The following CNTNAP2 variants were observed in gnomAD, a reference collection of about 807,000 sequenced individuals.
CNTNAP2 encodes the protein contactin-associated protein-like 2.
Under a neutral mutation model 155.2 loss-of-function variants are expected in CNTNAP2, and 98 were observed. The ratio of observed to expected loss-of-function variants is 0.63; its 90% CI spans 0.54 to 0.75. The LOEUF (loss-of-function observed/expected upper bound fraction) is 0.75, where lower values mean the gene tolerates loss of function less well. Among genes scored for constraint, CNTNAP2 ranks in the 30% least tolerant of loss-of-function variants. The pLI is 0.00. For missense variants in CNTNAP2, 1,727 were observed against 1,688.1 expected, an observed-to-expected ratio of 1.02 and a Z score of -0.40; for synonymous variants, 651 against 631.2, an observed-to-expected ratio of 1.03 and a Z score of -0.47.
At chr7:148,380,862 G>A (rs1164195184) in intron 21 of CNTNAP2, among the ~76,000 whole-genome samples, 1 of 152,194 alleles carries the variant, frequency 6.6e-6, no homozygotes, top group Admixed American at 6.5e-5. Context: ...TGACCGCTTT[G>A]TGGGACTTGC....
intron 1 of CNTNAP2, among the ~76,000 whole-genome samples, chr7:146,274,170 C>T (rs983252929): frequency 6.6e-6 from 1 of 152,166 alleles, no homozygotes; most frequent in Admixed American, 6.5e-5. Flanking sequence ...GCTTGTGACA[C>T]ATAGCGCCTG....
At chr7:148,016,097 CA>C (rs1563168006) in intron 15 of CNTNAP2, among the ~76,000 whole-genome samples, 1 of 152,178 alleles carries the variant, frequency 6.6e-6, no homozygotes, top group Non-Finnish European at 1.5e-5. Flanking sequence ...CTTTGGGCTC[CA>C]AATGTTAAAG....
intron 8 of CNTNAP2, among the ~76,000 whole-genome samples, chr7:147,278,495 T>C (rs1440465346): frequency 1.3e-5 from 2 of 151,704 alleles, no homozygotes; most frequent in African/African-American, 4.8e-5. Context: ...ACAAAATTAT[T>C]CTTATTTCTT....
chr7:147,785,477 A>C (rs1797725421), intron 13 of CNTNAP2, among the ~76,000 whole-genome samples: 1 of 152,148 alleles, frequency 6.6e-6, no homozygotes, highest in African/African-American at 2.4e-5. Flanking sequence ...AAGCCAGAAC[A>C]AAGTAGGTTG....
chr7:146,663,318 G>GAAAAA (rs58871748), intron 1 of CNTNAP2, among the ~76,000 whole-genome samples: 1 of 140,826 alleles, frequency 7.1e-6, no homozygotes, highest in African/African-American at 2.7e-5. Flanking sequence ...AAAAAGAAAG[G>GAAAAA]AAAAAAAAAG....
At chr7:146,471,469 T>C (rs1364564107) in intron 1 of CNTNAP2, among the ~76,000 whole-genome samples, 1 of 152,218 alleles carries the variant, frequency 6.6e-6, no homozygotes, top group African/African-American at 2.4e-5. Flanking sequence ...CTGCTGGGTT[T>C]AATTGGACCC....
intron 8 of CNTNAP2, among the ~76,000 whole-genome samples, chr7:147,241,807 A>G (rs1803944648): frequency 6.6e-6 from 1 of 152,174 alleles, no homozygotes; most frequent in South Asian, 2.1e-4. Flanking sequence ...TAGATAAAAT[A>G]AGAGGCCCAG....
intron 4 of CNTNAP2, among the ~76,000 whole-genome samples, chr7:147,065,888 A>T (rs1330784607): frequency 6.6e-6 from 1 of 152,148 alleles, no homozygotes; most frequent in Non-Finnish European, 1.5e-5. Flanking sequence ...TAAAATTAGG[A>T]GTTTTAATTA....
chr7:148,154,129 C>T (rs1404262091), intron 17 of CNTNAP2, among the ~76,000 whole-genome samples: 1 of 152,186 alleles, frequency 6.6e-6, no homozygotes, highest in East Asian at 1.9e-4. Context: ...TTTGTGCAGT[C>T]CAAAAAGGAG....
At chr7:148,101,106 G>A (rs1209060853) in intron 15 of CNTNAP2, among the ~76,000 whole-genome samples, 1 of 138,326 alleles carries the variant, frequency 7.2e-6, no homozygotes, top group Admixed American at 7.5e-5. Flanking sequence ...ACACAGGAAA[G>A]GGAACATCAC....
intron 15 of CNTNAP2, among the ~76,000 whole-genome samples, chr7:148,003,617 C>T (rs930280179): frequency 4.6e-5 from 7 of 152,160 alleles, no homozygotes; most frequent in Non-Finnish European, 7.4e-5. Context: ...CTATCTTTCC[C>T]TAGGATTGTT....
chr7:147,924,206 C>T (rs975138361), intron 14 of CNTNAP2, among the ~76,000 whole-genome samples: 1 of 140,400 alleles, frequency 7.1e-6, no homozygotes, highest in Non-Finnish European at 1.5e-5. Context: ...ATGGCACGAT[C>T]GCAGCTCACC....
chr7:148,279,661 G>C (rs1248125996), intron 21 of CNTNAP2, among the ~76,000 whole-genome samples: 1 of 152,166 alleles, frequency 6.6e-6, no homozygotes, highest in East Asian at 1.9e-4. Flanking sequence ...TCCTCAGGCA[G>C]ATAGATGTCT....
intron 3 of CNTNAP2, among the ~76,000 whole-genome samples, chr7:147,043,192 T>C (rs1163109113): frequency 6.6e-6 from 1 of 152,142 alleles, no homozygotes; most frequent in Non-Finnish European, 1.5e-5. Context: ...AATAGATAGT[T>C]TGTAAATCCT....
At chr7:146,667,963 A>C (rs1052874206) in intron 1 of CNTNAP2, among the ~76,000 whole-genome samples, 1 of 152,020 alleles carries the variant, frequency 6.6e-6, no homozygotes, top group Non-Finnish European at 1.5e-5. Flanking sequence ...GATGCCCTTT[A>C]ATTTTCATTT....
chr7:147,120,987 C>A lies in CNTNAP2; in HGVS notation c.763C>A (p.Gln255Lys), dbSNP rs749503018. 2 of 1,613,576 alleles carry A rather than the reference C, an allele frequency of 1.2e-6. No individual in the cohort carries two copies. The highest frequency in any genetic ancestry group is 1.7e-6 in the Non-Finnish European group (2 of 1,179,908). Reference protein sequence around the residue: ...LVLSLNLGSNQLGPIYGHTSV... With the variant: ...LVLSLNLGSNKLGPIYGHTSV... Reference sequence around the variant, plus strand: ...CACTTCTGTGTACGCAGGAAGCAACCAGCTTGGCCCCATATATGGCCACAC... The same window carrying A: ...CACTTCTGTGTACGCAGGAAGCAACAAGCTTGGCCCCATATATGGCCACAC... The change falls in exon 6 of 24, where the codon CAG (glutamine) becomes AAG (lysine). Residue 255 changes from glutamine (Q) to lysine (K), a missense_variant. Coordinates refer to ENST00000361727, the MANE Select transcript of CNTNAP2 (RefSeq NM_014141.6).
intron 9 of CNTNAP2, among the ~76,000 whole-genome samples, chr7:147,375,029 G>GAGATCTGATGGT (rs1354225587): frequency 6.6e-6 from 1 of 151,926 alleles, no homozygotes; most frequent in Non-Finnish European, 1.5e-5. Context: ...GAGTTCTCAT[G>GAGATCTGATGGT]AGATCTGATG....
At chr7:146,281,130 C>A (rs964749907) in intron 1 of CNTNAP2, among the ~76,000 whole-genome samples, 2 of 152,106 alleles carry the variant, frequency 1.3e-5, no homozygotes, top group Admixed American at 6.5e-5. Flanking sequence ...TTTTTTAGAT[C>A]ATCTGAACCA....
At chr7:147,803,453 G>A (rs192380554) in intron 13 of CNTNAP2, among the ~76,000 whole-genome samples, 1 of 152,316 alleles carries the variant, frequency 6.6e-6, no homozygotes, top group East Asian at 1.9e-4. Context: ...GTTAGAAACT[G>A]CATGTTCTCT....
Sources: allele counts gnomAD v4.1 joint callset (sites outside exome capture counted in the v4.1 genomes callset), GRCh38; gene constraint gnomAD v4.1.1; transcripts MANE v1.5; gene names NCBI Gene and HGNC (gene_info 2026-07-23, HGNC 2026-07-21).